BTBD9: variants seen among roughly 807,000 people sequenced by gnomAD.
BTBD9 encodes the protein BTB/POZ domain-containing protein 9.
BTBD9 carries 49 observed loss-of-function variants against 64.3 expected under a neutral mutation model. The ratio of observed to expected loss-of-function variants is 0.76; its 90% CI spans 0.61 to 0.97. The LOEUF (loss-of-function observed/expected upper bound fraction) is 0.97, where lower values mean the gene tolerates loss of function less well. BTBD9 is among the 50% of genes least tolerant of loss of function. The pLI, the probability that BTBD9 is intolerant of heterozygous loss-of-function variation, is 0.00. For synonymous variants in BTBD9, 260 were observed against 274.7 expected, an observed-to-expected ratio of 0.95 and a Z score of 0.53; for missense variants, 598 against 762.1, an observed-to-expected ratio of 0.78 and a Z score of 2.53.
chr6:38,536,353 G>C (rs1451084476), intron 6 of BTBD9, among the ~76,000 whole-genome samples: 1 of 152,122 alleles, frequency 6.6e-6, no homozygotes, highest in Non-Finnish European at 1.5e-5. Flanking sequence ...GTGGAGAAAA[G>C]GGAACCCTCG....
chr6:38,283,599 T>A (rs77928651), intron 8 of BTBD9, among the ~76,000 whole-genome samples: 1 of 152,306 alleles, frequency 6.6e-6, no homozygotes, highest in African/African-American at 2.4e-5. Context: ...CAGTAAGCCA[T>A]GATCACACCA....
At chr6:38,543,236 G>C (rs1456376470) in intron 6 of BTBD9, among the ~76,000 whole-genome samples, 1 of 152,184 alleles carries the variant, frequency 6.6e-6, no homozygotes, top group Non-Finnish European at 1.5e-5. Context: ...TGACCACAGA[G>C]GTATTCCCCT....
chr6:38,188,044 G>A (rs966324487), intron 10 of BTBD9, among the ~76,000 whole-genome samples: 7 of 152,214 alleles, frequency 4.6e-5, no homozygotes, highest in Middle Eastern at 3.2e-3. Flanking sequence ...AGACCTGGCC[G>A]ACTGGAGCAA....
chr6:38,185,941 G>A (rs968156441), intron 10 of BTBD9, among the ~76,000 whole-genome samples: 2 of 152,148 alleles, frequency 1.3e-5, no homozygotes, highest in Admixed American at 6.5e-5. Flanking sequence ...GTGGATGGAC[G>A]CTCATGGTGT....
intron 6 of BTBD9, among the ~76,000 whole-genome samples, chr6:38,429,316 G>C (rs963047485): frequency 6.6e-6 from 1 of 151,188 alleles, no homozygotes; most frequent in African/African-American, 2.4e-5. Flanking sequence ...TTAGCTAGGC[G>C]TGGTGGCAGG....
intron 6 of BTBD9, among the ~76,000 whole-genome samples, chr6:38,486,998 TTA>T (rs1379961933): frequency 6.6e-6 from 1 of 152,238 alleles, no homozygotes; most frequent in African/African-American, 2.4e-5. Flanking sequence ...TGCTTAACAC[TTA>T]TGTTTACAAG....
intron 6 of BTBD9, among the ~76,000 whole-genome samples, chr6:38,430,473 C>G (rs1768396549): frequency 1.3e-5 from 2 of 151,246 alleles, no homozygotes; most frequent in African/African-American, 4.9e-5. Context: ...AATCTTCCCA[C>G]CTTGGCCTCA....
At chr6:38,248,736 C>CT (rs1764292238) in intron 9 of BTBD9, among the ~76,000 whole-genome samples, 1 of 152,172 alleles carries the variant, frequency 6.6e-6, no homozygotes, top group Non-Finnish European at 1.5e-5. Context: ...GTTCGCTCTC[C>CT]CTTCCCGGAA....
At chr6:38,179,768 A>T (rs1761464064) in intron 10 of BTBD9, 3 of 456,634 alleles carry the variant, frequency 6.6e-6, no homozygotes, top group Non-Finnish European at 4.4e-6. Context: ...CCAGCACGGG[A>T]TCAGTAATAT....
intron 9 of BTBD9, among the ~76,000 whole-genome samples, chr6:38,202,492 G>A (rs1436754089): frequency 1.3e-5 from 2 of 152,102 alleles, no homozygotes; most frequent in Admixed American, 1.3e-4. Context: ...CAAAGCTAGA[G>A]GCTTTGCAGT....
In BTBD9 at chr6:38,571,440, C is replaced by T. The variant is rs557033331; in HGVS notation, c.1154+6160G>A. Among the ~76,000 whole-genome samples, 4 of 151,964 alleles carry T rather than the reference C, an allele frequency of 2.6e-5. No homozygotes were observed. The East Asian group carries it at 5.8e-4, about 22-fold the overall frequency. ...GTAGATCTATAGCACTATGTAAGTA[C>T]TATAATCTAATGAGAATAGGTGAAA... On this transcript the variant is annotated intron_variant, in intron 6 of 10. Transcript: ENST00000481247.
intron 6 of BTBD9, among the ~76,000 whole-genome samples, chr6:38,561,687 C>T (rs1236504210): frequency 6.6e-6 from 1 of 152,070 alleles, no homozygotes; most frequent in African/African-American, 2.4e-5. Flanking sequence ...AGTGAATTAA[C>T]ACAGGAACAG....
At chr6:38,398,564 C>T (rs1766791433) in intron 6 of BTBD9, among the ~76,000 whole-genome samples, 1 of 152,118 alleles carries the variant, frequency 6.6e-6, no homozygotes. Flanking sequence ...TCATCCAGGC[C>T]CTTTCGCCAT....
chr6:38,465,707 T>TTTTA (rs1770326366), intron 6 of BTBD9, among the ~76,000 whole-genome samples: 3 of 46,862 alleles, frequency 6.4e-5, no homozygotes, highest in South Asian at 7.7e-4. Context: ...AATAAATAAA[T>TTTTA]TATATATATA....
At chr6:38,403,461 C>T (rs1448380035) in intron 6 of BTBD9, among the ~76,000 whole-genome samples, 1 of 152,018 alleles carries the variant, frequency 6.6e-6, no homozygotes, top group Non-Finnish European at 1.5e-5. Flanking sequence ...CCTGTAAATC[C>T]CCAATAAGCA....
rs367968299 is a variant in BTBD9 at position 38,264,899 on chromosome 6, G to A, written c.1455-8383C>T. On this transcript the variant is annotated intron_variant, in intron 8 of 10. Transcript: ENST00000481247. ...AGAGGCCTGCCTCTGAATGGGCCAC[G>A]ACCTTTCAGGGCAAAGGGAACACCA... 7.9e-5 allele frequency among the ~76,000 whole-genome samples: 12 copies of A among 152,260 alleles called. 1 individual carries two copies. The South Asian group carries it at 1.0e-3, about 13-fold the overall frequency.
chr6:38,339,321 T>C (rs370175699), intron 7 of BTBD9, among the ~76,000 whole-genome samples: 3 of 152,128 alleles, frequency 2.0e-5, no homozygotes, highest in African/African-American at 7.2e-5. Flanking sequence ...TCTTTCTCTA[T>C]AGCTAGCTCC....
At position 38,231,419 on chromosome 6, in the gene BTBD9, A is replaced by G. The variant is rs141791636; in HGVS notation, c.1562+24990T>C. Among the ~76,000 whole-genome samples the G allele has an allele frequency of 1.4e-3, 219 of 152,344 alleles. 1 individual carries two copies. The highest frequency in any genetic ancestry group is 4.9e-3 in the African/African-American group (204 of 41,580). ...ACAGGATTAGACTGTTTTCATATGA[A>G]AAGTACCACTTAAGAGAGTTGCTGC... On this transcript the variant is annotated intron_variant, in intron 9 of 10. Transcript: ENST00000481247.
chr6:38,495,520 A>G (rs1426728987), intron 6 of BTBD9, among the ~76,000 whole-genome samples: 1 of 152,234 alleles, frequency 6.6e-6, no homozygotes, highest in Non-Finnish European at 1.5e-5. Context: ...AGAAGACCCA[A>G]AGATGGTTCT....
Sources: gnomAD v4.1 joint callset for allele counts (sites outside exome capture counted in the v4.1 genomes callset) on GRCh38, gnomAD v4.1.1 for gene constraint, MANE v1.5 for transcripts, NCBI Gene and HGNC (gene_info 2026-07-23, HGNC 2026-07-21) for gene names.